Variants in GPR89B observed in about 807,000 individuals in gnomAD.
GPR89B encodes the protein golgi pH regulator B.
A neutral mutation model predicts 52.4 loss-of-function variants in GPR89B; 25 were observed. The observed-to-expected ratio is 0.48, with a 90% CI of 0.35 to 0.67. The LOEUF (loss-of-function observed/expected upper bound fraction) is 0.67, where lower values mean the gene tolerates loss of function less well. Ranked by LOEUF, GPR89B falls within the 30% of genes least tolerant of loss-of-function variation. The pLI is 0.01. For missense variants in GPR89B, 146 were observed against 450.2 expected (o/e 0.32, Z 6.11); for synonymous variants, 52 against 151.2 (o/e 0.34, Z 4.81).
At chr1:147,949,380 G>A (rs1655316639) in intron 5 of GPR89B, among the ~76,000 whole-genome samples, 1 of 143,130 alleles carries the variant, frequency 7.0e-6, no homozygotes, top group Non-Finnish European at 1.5e-5. Context: ...GTGGCTGGCT[G>A]GGCGGGGGGC....
At chr1:148,004,456 C>T in the GPR89B span, among the ~76,000 whole-genome samples, 8 of 145,690 alleles carry the variant, frequency 5.5e-5, no homozygotes, top group African/African-American at 1.3e-4. Context: ...TGAGCCACCG[C>T]GCCCGGCCCC....
chr1:148,005,827 C>G, the GPR89B span, among the ~76,000 whole-genome samples: 1 of 151,878 alleles, frequency 6.6e-6, no homozygotes, highest in Non-Finnish European at 1.5e-5. Flanking sequence ...TTGTGGCTGT[C>G]CAAGACCATG....
intron 7 of GPR89B, among the ~76,000 whole-genome samples, chr1:147,956,600 G>A (rs1477610460): frequency 4.0e-5 from 6 of 151,858 alleles, no homozygotes; most frequent in African/African-American, 1.5e-4. Flanking sequence ...TTGACCAAGG[G>A]GGAAGAAAGA....
chr1:148,000,481 G>A, the GPR89B span, among the ~76,000 whole-genome samples: 2 of 151,962 alleles, frequency 1.3e-5, no homozygotes, highest in African/African-American at 2.4e-5. Flanking sequence ...TGAATTACAG[G>A]TCCAAGAATT....
chr1:148,012,051 T>C, the GPR89B span: 1 of 152,148 alleles, frequency 6.6e-6, no homozygotes, highest in Non-Finnish European at 1.5e-5. Context: ...TTTTTTTCTT[T>C]GCGTTTTAAT....
the GPR89B span, among the ~76,000 whole-genome samples, chr1:148,019,668 T>C: frequency 3.9e-5 from 6 of 152,002 alleles, no homozygotes; most frequent in Non-Finnish European, 5.9e-5. Flanking sequence ...CCACGCTCAT[T>C]AGAAACAAAA....
In GPR89B at chr1:147,968,080, T is replaced by A. The variant is rs1455047532; in HGVS notation, c.728-795T>A. 68 of 355,732 alleles carry A rather than the reference T, an allele frequency of 1.9e-4. 1 individual carries two copies. The highest frequency in any genetic ancestry group is 4.3e-4 in the South Asian group (20 of 46,536). 22.0% of individuals were successfully genotyped at this position (355,732 alleles called of 1,614,324 possible). A position where few individuals can be genotyped will look rare whatever the true frequency, so the allele number is the denominator to read the frequency against. ...AAGGGGCTATATTTACTATGTTTAT[T>A]ACTTAAAAGTTCATAAAAGCCAATA... On this transcript the variant is annotated intron_variant, in intron 8 of 13. Coordinates refer to ENST00000314163, the MANE Select transcript of GPR89B (RefSeq NM_016334.5).
At chr1:147,937,537 A>C (rs1235140264) in intron 2 of GPR89B, among the ~76,000 whole-genome samples, 1 of 152,094 alleles carries the variant, frequency 6.6e-6, no homozygotes, top group Non-Finnish European at 1.5e-5. Flanking sequence ...TCAACCGCAT[A>C]AGACAGACAC....
intron 10 of GPR89B, among the ~76,000 whole-genome samples, chr1:147,983,770 G>A (rs1431110667): frequency 1.3e-5 from 2 of 151,858 alleles, no homozygotes; most frequent in Non-Finnish European, 2.9e-5. Context: ...TCAGTGTGGC[G>A]ATTCTTCAGG....
chr1:147,971,891 A>T (rs1657500827), intron 10 of GPR89B, among the ~76,000 whole-genome samples: 1 of 151,652 alleles, frequency 6.6e-6, no homozygotes, highest in East Asian at 1.9e-4. Context: ...TGCAACAACC[A>T]TCACCACGGT....
intron 5 of GPR89B, among the ~76,000 whole-genome samples, chr1:147,944,850 T>A (rs1326239670): frequency 6.6e-6 from 1 of 150,816 alleles, no homozygotes; most frequent in African/African-American, 2.4e-5. Context: ...AGAGAGCCCA[T>A]CTGTAATAAA....
At chr1:147,952,783 A>T (rs1655819842) in intron 5 of GPR89B, among the ~76,000 whole-genome samples, 1 of 151,436 alleles carries the variant, frequency 6.6e-6, no homozygotes, top group East Asian at 2.0e-4. Flanking sequence ...TTAGGATACA[A>T]TTTATAATCC....
At chr1:148,013,307 A>T in the GPR89B span, among the ~76,000 whole-genome samples, 1 of 152,094 alleles carries the variant, frequency 6.6e-6, no homozygotes, top group Non-Finnish European at 1.5e-5. Flanking sequence ...CTGCCCCGCA[A>T]GCCTCCCTGC....
chr1:147,945,265 A>AG (rs1654873640), intron 5 of GPR89B, among the ~76,000 whole-genome samples: 1 of 143,176 alleles, frequency 7.0e-6, no homozygotes, highest in Admixed American at 7.1e-5. Flanking sequence ...GGTGAAACCT[A>AG]GGTAATATTT....
At chr1:148,024,527 CAGA>C in the GPR89B span, 1 of 130,956 alleles carries the variant, frequency 7.6e-6, no homozygotes, top group Admixed American at 7.9e-5. Flanking sequence ...CTGTTTTCCT[CAGA>C]AGAAGAGTTC....
intron 7 of GPR89B, among the ~76,000 whole-genome samples, chr1:147,959,286 T>C (rs1320356884): frequency 6.6e-6 from 1 of 152,018 alleles, no homozygotes; most frequent in Non-Finnish European, 1.5e-5. Context: ...TTTGTAGAGA[T>C]AGGAGGAAGA....
intron 2 of GPR89B, among the ~76,000 whole-genome samples, chr1:147,936,926 A>G (rs1371052163): frequency 3.9e-5 from 6 of 152,094 alleles, no homozygotes; most frequent in African/African-American, 1.4e-4. Flanking sequence ...TCATATCAGG[A>G]TATGTACCAA....
At chr1:147,984,625 G>C (rs1228876767) in intron 10 of GPR89B, among the ~76,000 whole-genome samples, 6 of 150,354 alleles carry the variant, frequency 4.0e-5, no homozygotes, top group Non-Finnish European at 8.9e-5. Context: ...TCATTGATTG[G>C]AGATCTTTGC....
intron 1 of GPR89B, among the ~76,000 whole-genome samples, chr1:147,931,883 AGCT>A (rs1437186872): frequency 6.6e-6 from 1 of 152,148 alleles, no homozygotes; most frequent in African/African-American, 2.4e-5. Flanking sequence ...GATGGCCTCT[AGCT>A]GCATCTGTGT....
Sources: gnomAD v4.1 joint callset for allele counts (sites outside exome capture counted in the v4.1 genomes callset) on GRCh38, gnomAD v4.1.1 for gene constraint, MANE v1.5 for transcripts, NCBI Gene and HGNC (gene_info 2026-07-23, HGNC 2026-07-21) for gene names.